The following CDO1 variants were observed in gnomAD, a reference collection of about 807,000 sequenced individuals.
CDO1 encodes the protein cysteine dioxygenase, type I.
In CDO1, 19 loss-of-function variants were observed where a neutral mutation model predicts 24.5. That is an observed-to-expected ratio of 0.77 (90% CI 0.54 to 1.14). CDO1 has a LOEUF of 1.14. Ranked by LOEUF, CDO1 falls within the 50% of genes most tolerant of loss-of-function variation. CDO1 has a pLI of 0.00. For synonymous variants in CDO1, 91 were observed against 87.0 expected (o/e 1.05, Z -0.26); for missense variants, 244 against 244.8 (o/e 1.00, Z 0.02).
intron 3 of CDO1, among the ~76,000 whole-genome samples, chr5:115,808,482 A>C (rs1393518563): frequency 6.6e-6 from 1 of 152,130 alleles, no homozygotes; most frequent in Non-Finnish European, 1.5e-5. Context: ...GAGCCATTGG[A>C]GCATATGCTC....
chr5:115,810,786 T>G (rs1194743697), intron 3 of CDO1, among the ~76,000 whole-genome samples: 1 of 152,212 alleles, frequency 6.6e-6, no homozygotes, highest in Non-Finnish European at 1.5e-5. Context: ...AAACAGAGAC[T>G]AGCTAGCATT....
intron 4 of CDO1, among the ~76,000 whole-genome samples, chr5:115,805,977 A>G (rs1408615027): frequency 3.3e-5 from 5 of 152,222 alleles, no homozygotes; most frequent in South Asian, 2.1e-4. Context: ...TGCTTTAGTT[A>G]TATCATCAGA....
intron 1 of CDO1, among the ~76,000 whole-genome samples, 154 bp downstream of exon 1, chr5:115,816,074 C>G (rs113044746): frequency 0.053 from 7,968 of 149,764 alleles, 737 homozygotes; most frequent in African/African-American, 0.18. Flanking sequence ...GCGAGTCGTG[C>G]CAGCCCCGCG....
At chr5:115,814,296 C>T (rs1374460498) in intron 1 of CDO1, 1 of 152,176 alleles carries the variant, frequency 6.6e-6, no homozygotes, top group Non-Finnish European at 1.5e-5. Flanking sequence ...CTTCAATTCA[C>T]AGTAAACTGA....
chr5:115,808,608 T>C (rs1490063395), intron 3 of CDO1, among the ~76,000 whole-genome samples: 7 of 152,026 alleles, frequency 4.6e-5, no homozygotes, highest in Non-Finnish European at 8.8e-5. Flanking sequence ...CCTTACATTG[T>C]AAGGAATCTC....
At chr5:115,805,737 A>G (rs1309406980) in intron 4 of CDO1, among the ~76,000 whole-genome samples, 1 of 152,216 alleles carries the variant, frequency 6.6e-6, no homozygotes. Flanking sequence ...ATTTTCACAC[A>G]TTGTCTATTT....
In CDO1 at chr5:115,811,242, C is replaced by A; in HGVS notation, c.322G>T (p.Ala108Ser). 6.2e-7 allele frequency: 1 copy of A among 1,613,338 alleles called. No homozygotes were observed. Among genetic ancestry groups the A allele is most frequent in the Non-Finnish European group, 8.5e-7 (1 of 1,179,374 alleles). Residue 108 changes from alanine to serine, a missense_variant, in exon 3 of 5, where the codon GCC becomes TCC. By Grantham distance (99) the Ala-to-Ser change is moderately conservative. Coordinates refer to ENST00000250535, the MANE Select transcript of CDO1 (RefSeq NM_001801.3). Reference protein sequence around the residue: ...LQGNLKETLFAWPDKKSNEMV... With the variant: ...LQGNLKETLFSWPDKKSNEMV... ...TCATTGGATTTTTTGTCAGGCCAGG[C>A]AAATAATGTCTCCTTTAGATTTCCC...
chr5:115,815,758 G>A (rs1246090517), intron 1 of CDO1, among the ~76,000 whole-genome samples: 2 of 152,200 alleles, frequency 1.3e-5, no homozygotes, highest in African/African-American at 4.8e-5. Flanking sequence ...TCCCCTGGGA[G>A]CACCCTCTGC....
chr5:115,809,888 C>G (rs958531589), intron 3 of CDO1, among the ~76,000 whole-genome samples: 1 of 152,118 alleles, frequency 6.6e-6, no homozygotes, highest in Non-Finnish European at 1.5e-5. Flanking sequence ...CTGCTGTCAC[C>G]TTAATATGAG....
At position 115,805,236 on chromosome 5, in the gene CDO1, CA is replaced by C; in HGVS notation, c.*196del. ...AAAAATCACAAGACTTTCTTTTCCT[CA>C]GTGGGACTTTTCTTCTGCAGTAGCT... On this transcript the variant is annotated 3_prime_UTR_variant, in exon 5 of 5. Transcript: ENST00000250535. The C allele has an allele frequency of 5.9e-6, 3 of 507,896 alleles. No individual in the cohort carries two copies. The highest frequency in any genetic ancestry group is 1.1e-5 in the Non-Finnish European group (3 of 285,344). 31.5% of individuals were successfully genotyped at this position (507,896 alleles called of 1,614,324 possible).
rs1475162695 is a variant in CDO1 at position 115,804,987 on chromosome 5, T to C, written c.*446A>G. 1 of 153,762 alleles carries C rather than the reference T, an allele frequency of 6.5e-6. No individual in the cohort carries two copies. Among genetic ancestry groups the C allele is most frequent in the African/African-American group, 2.4e-5 (1 of 41,494 alleles). 9.5% of individuals were successfully genotyped at this position (153,762 alleles called of 1,614,324 possible). ...AATCTACAGATTCACAAAATTATCT[T>C]CCAATATTAAGAACATACAAAGTAT... On this transcript the variant is annotated 3_prime_UTR_variant, in exon 5 of 5. Coordinates refer to ENST00000250535, the MANE Select transcript of CDO1 (RefSeq NM_001801.3).
In CDO1 at chr5:115,816,444, G is replaced by A. The variant is rs760269447; in HGVS notation, c.-47C>T. 6 of 1,601,758 alleles carry A rather than the reference G, an allele frequency of 3.7e-6. No homozygotes were observed. The East Asian group carries it at 1.3e-4, about 36-fold the overall frequency. On this transcript the variant is annotated 5_prime_UTR_variant, in exon 1 of 5. Coordinates refer to ENST00000250535, the MANE Select transcript of CDO1 (RefSeq NM_001801.3). Reference sequence around the variant, plus strand: ...GCGCGTCTCACTGCTGGGCTGCGGTGGAGGAGCTGAGCGAGCCAAGGAGCT... The same window carrying A: ...GCGCGTCTCACTGCTGGGCTGCGGTAGAGGAGCTGAGCGAGCCAAGGAGCT...
Position 115,816,524 on chromosome 5 carries a change from A to T in CDO1, c.-127T>A, listed in dbSNP as rs1760460779. 1.9e-6 allele frequency: 2 copies of T among 1,033,018 alleles called. No homozygotes were observed. Among genetic ancestry groups the T allele is most frequent in the African/African-American group, 3.1e-5 (2 of 63,568 alleles). The allele number at this position is 1,033,018 out of a possible 1,614,324, so 64.0% of individuals were successfully genotyped here. On this transcript the variant is annotated 5_prime_UTR_variant, in exon 1 of 5. It adds an upstream start codon to the 5' untranslated region. Coordinates refer to ENST00000250535, the MANE Select transcript of CDO1 (RefSeq NM_001801.3). The stretch of plus-strand genomic sequence containing the variant: ...ACCGCTAAGCAGACACACACGCACA[A>T]ACCCAGCATTAGAGTGCCGAAACGT...
chr5:115,816,643 A>C lies in CDO1; in HGVS notation c.-246T>G. On this transcript the variant is annotated 5_prime_UTR_variant, in exon 1 of 5. Transcript: ENST00000250535. ...CGCTGGAGACGCGGTGCACACACAAATCAGGTTCAGATCTGTGGGGTTCAT... is the reference window on the plus strand; with the variant it reads ...CGCTGGAGACGCGGTGCACACACAACTCAGGTTCAGATCTGTGGGGTTCAT... 17 of 511,792 alleles carry C rather than the reference A, an allele frequency of 3.3e-5. No homozygotes were observed. The highest frequency in any genetic ancestry group is 7.1e-5 in the East Asian group (2 of 27,974). The allele number at this position is 511,792 out of a possible 1,614,324, so 31.7% of individuals were successfully genotyped here.
At position 115,805,517 on chromosome 5, in the gene CDO1, T is replaced by A. The variant is rs147916107; in HGVS notation, c.574-55A>T. 7,698 of 1,503,682 alleles carry A rather than the reference T, an allele frequency of 5.1e-3. 42 individuals are homozygous for A. The highest frequency in any genetic ancestry group is 6.5e-3 in the South Asian group (572 of 87,992). The allele number at this position is 1,503,682 out of a possible 1,614,324, so 93.1% of individuals were successfully genotyped here. A position where few individuals can be genotyped will look rare whatever the true frequency, so the allele number is the denominator to read the frequency against. ...GTAAGAAACTTTACAAAAGACATTT[T>A]AACTCCTTCTAAATAGTTCTGCTTT... On this transcript the variant is annotated intron_variant, in intron 4 of 4. Coordinates refer to ENST00000250535, the MANE Select transcript of CDO1 (RefSeq NM_001801.3).
In CDO1 at chr5:115,816,486, A is replaced by C; in HGVS notation, c.-89T>G. 1 of 1,416,500 alleles carries C rather than the reference A, an allele frequency of 7.1e-7. No homozygotes were observed. Among genetic ancestry groups the C allele is most frequent in the South Asian group, 1.2e-5 (1 of 81,910 alleles). The allele number at this position is 1,416,500 out of a possible 1,614,324, so 87.7% of individuals were successfully genotyped here. ...CAAGGAGCTGGGGGCGAGGGAGCCT[A>C]ACAGCCCGCTAGACCGCTAAGCAGA... On this transcript the variant is annotated 5_prime_UTR_variant, in exon 1 of 5. Transcript: ENST00000250535.
chr5:115,806,587 G>A, intron 3 of CDO1, 69 bp from the exon 4 acceptor site: 1 of 1,088,188 alleles, frequency 9.2e-7, no homozygotes, highest in East Asian at 2.5e-5. Context: ...AAATCTCTGT[G>A]AGTCATCTGA....
intron 3 of CDO1, among the ~76,000 whole-genome samples, chr5:115,807,122 T>A (rs370674909): frequency 1.5e-3 from 236 of 152,296 alleles, no homozygotes; most frequent in African/African-American, 5.2e-3. Flanking sequence ...AACAGGTGAA[T>A]TAAACAAAAG....
intron 3 of CDO1, among the ~76,000 whole-genome samples, chr5:115,810,787 A>G (rs1760154787): frequency 6.6e-6 from 1 of 152,208 alleles, no homozygotes; most frequent in African/African-American, 2.4e-5. Flanking sequence ...AACAGAGACT[A>G]GCTAGCATTC....
Sources: gnomAD v4.1 joint callset for allele counts (sites outside exome capture counted in the v4.1 genomes callset) on GRCh38, gnomAD v4.1.1 for gene constraint, MANE v1.5 for transcripts, NCBI Gene and HGNC (gene_info 2026-07-23, HGNC 2026-07-21) for gene names.